Variants in C3orf70 observed in about 807,000 individuals in gnomAD.
C3orf70 encodes chromosome 3 open reading frame 70, also known as UPF0524 protein C3orf70.
A neutral mutation model predicts 20.7 loss-of-function variants in C3orf70; 15 were observed. The ratio of observed to expected loss-of-function variants is 0.72; its 90% CI spans 0.48 to 1.11. The LOEUF (loss-of-function observed/expected upper bound fraction) is 1.11, where lower values mean the gene tolerates loss of function less well. Among genes scored for constraint, C3orf70 ranks in the 50% most tolerant of loss-of-function variants. C3orf70 has a pLI of 0.00. For missense variants in C3orf70, 332 were observed against 317.6 expected, an observed-to-expected ratio of 1.05 and a Z score of -0.34; for synonymous variants, 161 against 125.7, an observed-to-expected ratio of 1.28 and a Z score of -1.88.
intron 1 of C3orf70, among the ~76,000 whole-genome samples, chr3:185,134,527 G>A (rs1033459579): frequency 6.6e-6 from 1 of 152,008 alleles, no homozygotes; most frequent in Non-Finnish European, 1.5e-5. Flanking sequence ...CCAGACTTGG[G>A]GCTAAAAAAG....
chr3:185,138,934 T>A (rs1376924106), intron 1 of C3orf70, among the ~76,000 whole-genome samples: 1 of 152,044 alleles, frequency 6.6e-6, no homozygotes, highest in Non-Finnish European at 1.5e-5. Context: ...ACCATGTGTC[T>A]ACAAAAAAAG....
chr3:185,122,135 T>C (rs1208768894), intron 1 of C3orf70, among the ~76,000 whole-genome samples: 3 of 140,230 alleles, frequency 2.1e-5, no homozygotes, highest in Non-Finnish European at 3.1e-5. Flanking sequence ...ATAAAGGAAA[T>C]ATACTATGCA....
chr3:185,146,447 C>G (rs1488180384), intron 1 of C3orf70, among the ~76,000 whole-genome samples: 1 of 151,990 alleles, frequency 6.6e-6, no homozygotes, highest in Non-Finnish European at 1.5e-5. Flanking sequence ...GCCACCACAC[C>G]CAGCTAGTTT....
chr3:185,100,208 A>T (rs1715793856), intron 1 of C3orf70, among the ~76,000 whole-genome samples: 1 of 152,212 alleles, frequency 6.6e-6, no homozygotes, highest in Non-Finnish European at 1.5e-5. Flanking sequence ...CCTGATAGAC[A>T]TCTACATTAC....
chr3:185,115,670 C>T (rs1215332638), intron 1 of C3orf70, among the ~76,000 whole-genome samples: 1 of 152,176 alleles, frequency 6.6e-6, no homozygotes, highest in Non-Finnish European at 1.5e-5. Flanking sequence ...AAGACAGTGT[C>T]TTAATCACTT....
At chr3:185,114,325 A>AG (rs1392803938) in intron 1 of C3orf70, among the ~76,000 whole-genome samples, 1 of 152,232 alleles carries the variant, frequency 6.6e-6, no homozygotes, top group Non-Finnish European at 1.5e-5. Flanking sequence ...AAAGGAGTCA[A>AG]GTAATTATTC....
chr3:185,106,585 C>G (rs1715946893), intron 1 of C3orf70, among the ~76,000 whole-genome samples: 1 of 152,232 alleles, frequency 6.6e-6, no homozygotes, highest in African/African-American at 2.4e-5. Context: ...AGATGGGAAC[C>G]TGATTTTGGG....
intron 1 of C3orf70, among the ~76,000 whole-genome samples, chr3:185,142,019 C>G (rs1716761501): frequency 6.6e-6 from 1 of 151,884 alleles, no homozygotes; most frequent in South Asian, 2.1e-4. Context: ...CATCTTGTGC[C>G]AGAAAACTGG....
intron 1 of C3orf70, among the ~76,000 whole-genome samples, chr3:185,084,015 T>C (rs1019525344): frequency 9.9e-5 from 15 of 152,100 alleles, no homozygotes; most frequent in Admixed American, 2.0e-4. Flanking sequence ...CAAAACCCTG[T>C]CTCTACTAAA....
chr3:185,120,033 A>AAAAAAAAAAAAAAAGAAAG (rs55921240), intron 1 of C3orf70, among the ~76,000 whole-genome samples: 2 of 100,782 alleles, frequency 2.0e-5, no homozygotes, highest in African/African-American at 4.6e-5. Flanking sequence ...AAAAAAAAAA[A>AAAAAAAAAAAAAAAGAAAG]AAAAAGAAAA....
rs1715207046 is a variant in C3orf70, at chr3:185,077,031, G to A, written c.*5976C>T. 1.3e-5 allele frequency among the ~76,000 whole-genome samples: 2 copies of A among 152,166 alleles called. No individual in the cohort carries two copies. The highest frequency in any genetic ancestry group is 4.8e-5 in the African/African-American group (2 of 41,438). On this transcript the variant is annotated 3_prime_UTR_variant, in exon 2 of 2. Coordinates refer to ENST00000335012, the MANE Select transcript of C3orf70 (RefSeq NM_001025266.3). ...AGATCAGTTAGCTTTAGGAAAGGCAGAGCTAGTCTTGAATGCTAGTCAAGA... is the reference window on the plus strand; with the variant it reads ...AGATCAGTTAGCTTTAGGAAAGGCAAAGCTAGTCTTGAATGCTAGTCAAGA...
rs1487467003 is a variant in C3orf70, at chr3:185,080,287, C to T, written c.*2720G>A. ...AGGTGATTATCAACTATTATTAAAT[C>T]CAAAAATTCCATTAAAATTGTGTCT... On this transcript the variant is annotated 3_prime_UTR_variant, in exon 2 of 2. Transcript: ENST00000335012. 1 of 152,574 alleles carries T rather than the reference C, an allele frequency of 6.6e-6. No individual in the cohort carries two copies. Among genetic ancestry groups the T allele is most frequent in the Admixed American group, 6.5e-5 (1 of 15,280 alleles). The allele number at this position is 152,574 out of a possible 1,614,324, so 9.5% of individuals were successfully genotyped here. A position where few individuals can be genotyped will look rare whatever the true frequency, so the allele number is the denominator to read the frequency against.
chr3:185,127,969 T>A (rs989052090), intron 1 of C3orf70, among the ~76,000 whole-genome samples: 2 of 152,182 alleles, frequency 1.3e-5, no homozygotes, highest in African/African-American at 4.8e-5. Flanking sequence ...AACACAAAGT[T>A]AAGCATAAAC....
intron 1 of C3orf70, among the ~76,000 whole-genome samples, chr3:185,087,422 G>A (rs1715481055): frequency 6.6e-6 from 1 of 152,176 alleles, no homozygotes; most frequent in Admixed American, 6.5e-5. Context: ...AGCAACACAA[G>A]TGTCCATGAT....
chr3:185,142,465 G>A (rs536829627), intron 1 of C3orf70, among the ~76,000 whole-genome samples: 1 of 152,302 alleles, frequency 6.6e-6, no homozygotes, highest in East Asian at 1.9e-4. Context: ...ACAGTAACAT[G>A]AGGAAGATGG....
At chr3:185,136,047 T>C (rs1716615424) in intron 1 of C3orf70, among the ~76,000 whole-genome samples, 1 of 152,082 alleles carries the variant, frequency 6.6e-6, no homozygotes, top group African/African-American at 2.4e-5. Flanking sequence ...AGGACAAAAA[T>C]ATGTTGTGTA....
rs189807866 is a variant in C3orf70 at position 185,148,018 on chromosome 3, C to T, written c.196+4610G>A. Among the ~76,000 whole-genome samples the T allele has an allele frequency of 7.9e-5, 12 of 152,322 alleles. No individual in the cohort carries two copies. In the East Asian group the frequency reaches 2.1e-3, roughly 27 times the overall value. On this transcript the variant is annotated intron_variant, in intron 1 of 1. Coordinates refer to ENST00000335012, the MANE Select transcript of C3orf70 (RefSeq NM_001025266.3). ...TTCCAGATTTTTCTTCTCTAGCCAT[C>T]TCTTCTTAGACTCCTCTGCCAGCTT... is the stretch of plus-strand genomic sequence containing the variant.
intron 1 of C3orf70, among the ~76,000 whole-genome samples, chr3:185,104,963 T>G (rs1715898106): frequency 6.6e-6 from 1 of 152,028 alleles, no homozygotes; most frequent in African/African-American, 2.4e-5. Flanking sequence ...CCCCTGAACT[T>G]AAAAAATAAA....
rs911527997 is a variant in C3orf70 at position 185,082,054 on chromosome 3, C to T, written c.*953G>A. ...TGTGGCTGCCACCTAAATGTGATAC[C>T]TATATAACTTCCTAAGAGTTTTTCC... On this transcript the variant is annotated 3_prime_UTR_variant, in exon 2 of 2. Transcript: ENST00000335012. The T allele has an allele frequency of 1.3e-5, 2 of 152,024 alleles. No homozygotes were observed. The highest frequency in any genetic ancestry group is 2.4e-5 in the African/African-American group (1 of 41,394). The allele number at this position is 152,024 out of a possible 1,614,324, so 9.4% of individuals were successfully genotyped here. A position where few individuals can be genotyped will look rare whatever the true frequency, so the allele number is the denominator to read the frequency against.
Sources: allele counts gnomAD v4.1 joint callset (sites outside exome capture counted in the v4.1 genomes callset), GRCh38; gene constraint gnomAD v4.1.1; transcripts MANE v1.5; gene names NCBI Gene and HGNC (gene_info 2026-07-23, HGNC 2026-07-21).